The following SMYD4 variants were observed in gnomAD, a reference collection of about 807,000 sequenced individuals.
SMYD4 encodes SET and MYND domain containing 4.
SMYD4 carries 68 observed loss-of-function variants against 72.8 expected under a neutral mutation model. The ratio of observed to expected loss-of-function variants is 0.93; its 90% confidence interval spans 0.77 to 1.14. The LOEUF is 1.14. Ranked by LOEUF, SMYD4 falls within the 50% of genes most tolerant of loss-of-function variation. The probability of loss-of-function intolerance (pLI) is 0.00; values close to 1 mark genes in which losing one functional copy is unlikely to be tolerated. For synonymous variants in SMYD4, 407 were observed against 388.6 expected, an observed-to-expected ratio of 1.05 and a Z score of -0.56; for missense variants, 984 against 1,003.7, an observed-to-expected ratio of 0.98 and a Z score of 0.27.
intron 2 of SMYD4, among the ~76,000 whole-genome samples, chr17:1,820,547 C>T (rs556312997): frequency 7.2e-5 from 11 of 152,154 alleles, no homozygotes; most frequent in East Asian, 1.9e-4. Context: ...ACCTGGCCTA[C>T]GCTCTTTTTT....
chr17:1,818,519 A>T (rs780176740), intron 2 of SMYD4, among the ~76,000 whole-genome samples: 31 of 152,220 alleles, frequency 2.0e-4, no homozygotes, highest in Non-Finnish European at 4.6e-4. Context: ...TATTATTTAA[A>T]TGTAAATGTT....
Position 1,826,661 on chromosome 17 carries a change from A to G in SMYD4, c.134+1200T>C, listed in dbSNP as rs548195362. On this transcript the variant is annotated intron_variant, in intron 2 of 10. Transcript: ENST00000305513. Reference sequence around the variant, plus strand: ...CGCCTACTATGTGCCTGGCACAAAGATAAAGACATCAACCTTGAACGTGAA... The same window carrying G: ...CGCCTACTATGTGCCTGGCACAAAGGTAAAGACATCAACCTTGAACGTGAA... 4.6e-5 allele frequency among the ~76,000 whole-genome samples: 7 copies of G among 152,310 alleles called. No individual in the cohort carries two copies. In the East Asian group the frequency reaches 1.3e-3, roughly 29 times the overall value.
At position 1,812,006 on chromosome 17, in the gene SMYD4, T is replaced by C. The variant is rs954349110; in HGVS notation, c.244A>G (p.Lys82Glu). 2.7e-5 allele frequency: 43 copies of C among 1,614,148 alleles called. No individual in the cohort carries two copies. The highest frequency in any genetic ancestry group is 3.5e-5 in the Non-Finnish European group (41 of 1,180,030). The change falls in exon 3 of 11, where the codon AAA (lysine) becomes GAA (glutamate). Residue 82 changes from lysine (K) to glutamate (E), a missense_variant. Transcript: ENST00000305513. ...REEGNKKFQE[K>E]DYTGAAVLYS... ...AGCACTGCAGCTCCTGTGTAATCTT[T>C]CTCCTGAAATTTTTTGTTTCCTTCT...
At chr17:1,783,776 G>T in intron 8 of SMYD4, 1 of 444,086 alleles carries the variant, frequency 2.3e-6, no homozygotes, top group South Asian at 3.0e-5. Flanking sequence ...TCTTGACCCT[G>T]AAATCTAAGC....
In SMYD4 at chr17:1,799,976, A is replaced by C; in HGVS notation, c.1418T>G (p.Leu473Arg). The C allele has an allele frequency of 1.2e-6, 2 of 1,614,110 alleles. No individual in the cohort carries two copies. The highest frequency in any genetic ancestry group is 1.7e-6 in the Non-Finnish European group (2 of 1,180,020). ...PTERIVNSSQ[L>R]KAAVTPELCP... is the part of the protein sequence containing the mutation. ...CAATTCAGGTGTCACTGCTGCTTTA[A>C]GCTGAGAGGAGTTCACAATCCTCTC... The change falls in exon 5 of 11, where the codon CTT becomes CGT. Residue 473 changes from leucine (L) to arginine (R), a missense_variant. Leu to Arg is a moderately radical substitution (Grantham distance 102). Transcript: ENST00000305513.
intron 7 of SMYD4, among the ~76,000 whole-genome samples, chr17:1,785,334 G>A (rs1908610996): frequency 1.3e-5 from 2 of 149,792 alleles, no homozygotes; most frequent in Admixed American, 6.6e-5. Flanking sequence ...GCTGAGGCAG[G>A]AGAATGGCGT....
chr17:1,781,284 C>T lies in SMYD4; in HGVS notation c.*2G>A, dbSNP rs1215516415. The T allele has an allele frequency of 5.6e-6, 9 of 1,611,140 alleles. No homozygotes were observed. Among genetic ancestry groups the T allele is most frequent in the Middle Eastern group, 2.0e-4 (1 of 5,002 alleles). On this transcript the variant is annotated 3_prime_UTR_variant, in exon 11 of 11. Transcript: ENST00000305513. ...TCTGTGGGTCAAAATCCTCCTGGAA[C>T]CCTACAATGCAGGCCCTACAGGGGT...
At chr17:1,809,867 C>T (rs541970254) in intron 3 of SMYD4, among the ~76,000 whole-genome samples, 6 of 152,070 alleles carry the variant, frequency 3.9e-5, no homozygotes, top group Admixed American at 1.3e-4. Flanking sequence ...GATGGGGTTT[C>T]ACCATGTTAG....
chr17:1,798,666 A>G (rs956770673), intron 5 of SMYD4, among the ~76,000 whole-genome samples: 1 of 151,838 alleles, frequency 6.6e-6, no homozygotes, highest in African/African-American at 2.4e-5. Context: ...GGGAGGCCAA[A>G]GCAGGTGGAT....
At chr17:1,811,869 GTGAGC>G in intron 3 of SMYD4, 97 bp downstream of exon 3, 1 of 1,308,478 alleles carries the variant, frequency 7.6e-7, no homozygotes, top group Non-Finnish European at 1.0e-6. Context: ...GAATGTTGCA[GTGAGC>G]TGAGATTATA....
chr17:1,816,042 T>A (rs905102826), intron 2 of SMYD4, among the ~76,000 whole-genome samples: 1 of 150,764 alleles, frequency 6.6e-6, no homozygotes, highest in Admixed American at 6.6e-5. Context: ...TGGCATTACA[T>A]ACATTCATAT....
intron 5 of SMYD4, among the ~76,000 whole-genome samples, chr17:1,791,033 A>G (rs1212016001): frequency 6.8e-6 from 1 of 148,146 alleles, no homozygotes; most frequent in Admixed American, 6.8e-5. Context: ...AGGCTGAGGC[A>G]GGAGAACGGA....
chr17:1,789,311 C>T (rs192476608), intron 5 of SMYD4, among the ~76,000 whole-genome samples: 2 of 152,206 alleles, frequency 1.3e-5, no homozygotes, highest in Admixed American at 6.5e-5. Flanking sequence ...TGCTTGAATC[C>T]AGGAGGAGGA....
At chr17:1,781,651 G>A in intron 10 of SMYD4, 1 of 378,070 alleles carries the variant, frequency 2.6e-6, no homozygotes, top group Non-Finnish European at 4.5e-6. Context: ...CCAGGATCCT[G>A]AGAACACGAG....
rs17338501 is a variant in SMYD4, at chr17:1,829,845, C to T, written c.-132G>A. On this transcript the variant is annotated 5_prime_UTR_variant, in exon 1 of 11. Coordinates refer to ENST00000305513, the MANE Select transcript of SMYD4 (RefSeq NM_052928.3). ...GCTCCTGGCGCGCCCCTTGGCGCCC[C>T]GCTCCGCCCCGCACCGCGTCCGGCG... The T allele has an allele frequency of 0.2, 62,322 of 307,996 alleles. 6,444 individuals are homozygous for T. Among genetic ancestry groups the T allele is most frequent in the Middle Eastern group, 0.23 (253 of 1,108 alleles). 19.1% of individuals were successfully genotyped at this position (307,996 alleles called of 1,614,324 possible).
chr17:1,801,032 C>A lies in SMYD4; in HGVS notation c.370-8G>T. ...AATGTCTTTAAGACACGTCTGAAAACAGAAAGAAAATCCCACAATGACCCT... is the reference window on the plus strand; with the variant it reads ...AATGTCTTTAAGACACGTCTGAAAAAAGAAAGAAAATCCCACAATGACCCT... On this transcript the variant is annotated splice_polypyrimidine_tract_variant and splice_region_variant and intron_variant, in intron 4 of 10. Transcript: ENST00000305513. 6.3e-7 allele frequency: 1 copy of A among 1,583,194 alleles called. No homozygotes were observed. The highest frequency in any genetic ancestry group is 1.1e-5 in the South Asian group (1 of 88,504).
At chr17:1,804,463 C>T (rs535043050) in intron 4 of SMYD4, 163 bp downstream of exon 4, 92 of 580,276 alleles carry the variant, frequency 1.6e-4, no homozygotes, top group African/African-American at 1.5e-3. Context: ...AGGCAATGAG[C>T]GCCCAGTCCG....
At chr17:1,815,568 G>A (rs1910547926) in intron 2 of SMYD4, among the ~76,000 whole-genome samples, 1 of 149,574 alleles carries the variant, frequency 6.7e-6, no homozygotes, top group Non-Finnish European at 1.5e-5. Context: ...TGAGGTGGGA[G>A]GATCGCTTGA....
intron 3 of SMYD4, among the ~76,000 whole-genome samples, chr17:1,809,021 T>G (rs1228625206): frequency 6.6e-6 from 1 of 152,138 alleles, no homozygotes; most frequent in Admixed American, 6.6e-5. Flanking sequence ...CAGAGTAGGA[T>G]GTACACCCTT....
Sources: gnomAD v4.1 joint callset for allele counts (sites outside exome capture counted in the v4.1 genomes callset) on GRCh38, gnomAD v4.1.1 for gene constraint, MANE v1.5 for transcripts, NCBI Gene and HGNC (gene_info 2026-07-23, HGNC 2026-07-21) for gene names.